PLEKHM1: variants seen among roughly 807,000 people sequenced by gnomAD.
PLEKHM1 encodes the protein pleckstrin homology domain-containing family M member 1.
PLEKHM1 carries 28 observed loss-of-function variants against 94.3 expected under a neutral mutation model. The observed-to-expected ratio is 0.30, with a 90% CI of 0.22 to 0.41. The LOEUF (loss-of-function observed/expected upper bound fraction) is 0.41. Among genes scored for constraint, PLEKHM1 ranks in the 10% least tolerant of loss-of-function variants. The pLI, the probability that PLEKHM1 is intolerant of heterozygous loss-of-function variation, is 1.00. For missense variants in PLEKHM1, 907 were observed against 1,358.6 expected (o/e 0.67, Z 5.22); for synonymous variants, 424 against 581.2 (o/e 0.73, Z 3.89).
At chr17:45,486,600 T>C (rs1203055479) in intron 1 of PLEKHM1, among the ~76,000 whole-genome samples, 2 of 151,400 alleles carry the variant, frequency 1.3e-5, no homozygotes, top group Non-Finnish European at 2.9e-5. Flanking sequence ...AATAATAAAC[T>C]GAAGCTAAGA....
At chr17:45,487,350 C>T (rs915423428) in intron 1 of PLEKHM1, among the ~76,000 whole-genome samples, 2 of 152,202 alleles carry the variant, frequency 1.3e-5, no homozygotes, top group Admixed American at 1.3e-4. Context: ...GGGTAAGGGA[C>T]AGAACTCTCT....
intron 8 of PLEKHM1, 117 bp downstream of exon 8, chr17:45,450,501 C>A: frequency 6.6e-7 from 1 of 1,511,944 alleles, no homozygotes; most frequent in Non-Finnish European, 9.0e-7. Flanking sequence ...GAACCAGTGA[C>A]CCTGGCTTCC....
intron 1 of PLEKHM1, among the ~76,000 whole-genome samples, chr17:45,483,087 T>C (rs2052005490): frequency 6.6e-6 from 1 of 151,732 alleles, no homozygotes; most frequent in Admixed American, 6.6e-5. Context: ...CTTGCTACAC[T>C]TCTGCTCCTC....
Position 45,453,319 on chromosome 17 carries a change from T to C in PLEKHM1, c.2497+36A>G. The C allele has an allele frequency of 1.3e-6, 2 of 1,599,756 alleles. No homozygotes were observed. Among genetic ancestry groups the C allele is most frequent in the Non-Finnish European group, 1.7e-6 (2 of 1,173,160 alleles). On this transcript the variant is annotated intron_variant, in intron 7 of 11. Transcript: ENST00000430334. This position sits in a 1 kb window ranked among gnomAD's most constrained non-coding sequence, Gnocchi z 4.1. ...GAACCAGCAGGAGGTGGAGTGAGGCTGGCAGGCTGGGGGTGGCAGCAGAGC... is the reference window on the plus strand; with the variant it reads ...GAACCAGCAGGAGGTGGAGTGAGGCCGGCAGGCTGGGGGTGGCAGCAGAGC...
At chr17:45,464,781 C>A (rs2051269197) in intron 5 of PLEKHM1, among the ~76,000 whole-genome samples, 1 of 152,240 alleles carries the variant, frequency 6.6e-6, no homozygotes, top group Non-Finnish European at 1.5e-5. Flanking sequence ...AACCTGACCA[C>A]CCTGTCCACT....
downstream of PLEKHM1, among the ~76,000 whole-genome samples, chr17:45,435,156 G>A (rs754163381): frequency 6.6e-6 from 1 of 152,094 alleles, no homozygotes; most frequent in African/African-American, 2.4e-5. Flanking sequence ...TGTCCTGGAG[G>A]GAGGTGAAGC....
intron 11 of PLEKHM1, among the ~76,000 whole-genome samples, chr17:45,438,180 C>T (rs1261816318): frequency 6.6e-6 from 1 of 152,238 alleles, no homozygotes; most frequent in African/African-American, 2.4e-5. Flanking sequence ...TATTCTCTGT[C>T]CTATTGCATT....
At chr17:45,441,674 A>G (rs748473993) in intron 9 of PLEKHM1, among the ~76,000 whole-genome samples, 1 of 152,146 alleles carries the variant, frequency 6.6e-6, no homozygotes, top group Non-Finnish European at 1.5e-5. Flanking sequence ...CGCAGTGCTC[A>G]GTCAAGGCCA....
At chr17:45,449,173 C>T (rs1007101394) in intron 8 of PLEKHM1, among the ~76,000 whole-genome samples, 4 of 151,242 alleles carry the variant, frequency 2.6e-5, no homozygotes, top group Non-Finnish European at 5.9e-5. Flanking sequence ...AGTGCAGTCA[C>T]CTGGGCCTCA....
chr17:45,451,280 G>T (rs1171506525), intron 7 of PLEKHM1, among the ~76,000 whole-genome samples: 1 of 152,238 alleles, frequency 6.6e-6, no homozygotes, highest in East Asian at 1.9e-4. Flanking sequence ...CAGCCAGCAG[G>T]GGGCAGGGGA....
rs2051378937 is a variant in PLEKHM1, at chr17:45,468,188, TGA to T, written c.1308+19_1308+20del. The T allele has an allele frequency of 6.2e-7, 1 of 1,612,658 alleles. No homozygotes were observed. The highest frequency in any genetic ancestry group is 1.3e-5 in the African/African-American group (1 of 74,860). ...GCTGACATTTCCCAAGACTGCCCCC[TGA>T]ACGGCTTGCACCACTCACCGGACTG... On this transcript the variant is annotated intron_variant, in intron 5 of 11. Coordinates refer to ENST00000430334, the MANE Select transcript of PLEKHM1 (RefSeq NM_014798.3).
intron 2 of PLEKHM1, among the ~76,000 whole-genome samples, chr17:45,479,166 G>A (rs961102061): frequency 6.6e-6 from 1 of 151,956 alleles, no homozygotes; most frequent in Non-Finnish European, 1.5e-5. Context: ...TTGAGGTTAG[G>A]AGTTTGAGAT....
At position 45,437,135 on chromosome 17, in the gene PLEKHM1, G is replaced by T; in HGVS notation, c.*723C>A. ...GGCCCCAGGCTAGAGAAGAGCTAGG[G>T]GCTCTGACGCTGAGAAAGCGGTGGG... On this transcript the variant is annotated 3_prime_UTR_variant, in exon 12 of 12. Transcript: ENST00000430334. This position sits in a 1 kb window ranked among gnomAD's most constrained non-coding sequence, Gnocchi z 4.0. 1 of 454,104 alleles carries T rather than the reference G, an allele frequency of 2.2e-6. No individual in the cohort carries two copies. 28.1% of individuals were successfully genotyped at this position (454,104 alleles called of 1,614,324 possible).
chr17:45,469,832 G>A (rs1383221944), intron 4 of PLEKHM1, among the ~76,000 whole-genome samples: 2 of 152,204 alleles, frequency 1.3e-5, no homozygotes, highest in Non-Finnish European at 2.9e-5. Context: ...CCAGCACTTT[G>A]GGAGGCTGAG....
At chr17:45,467,576 CATG>C (rs1395191594) in intron 5 of PLEKHM1, among the ~76,000 whole-genome samples, 1 of 152,142 alleles carries the variant, frequency 6.6e-6, no homozygotes, top group Non-Finnish European at 1.5e-5. Flanking sequence ...GCCTGGCCAA[CATG>C]ATGAAACCCC....
At chr17:45,440,341 C>G in intron 9 of PLEKHM1, 115 bp from the exon 10 acceptor site, 3 of 1,040,686 alleles carry the variant, frequency 2.9e-6, no homozygotes, top group Non-Finnish European at 4.5e-6. Flanking sequence ...CCCGCCTGGG[C>G]GGGGCAGGGG....
chr17:45,449,742 C>T (rs1225336832), intron 8 of PLEKHM1, among the ~76,000 whole-genome samples: 2 of 151,478 alleles, frequency 1.3e-5, no homozygotes, highest in African/African-American at 4.9e-5. Flanking sequence ...ACCCATCCAC[C>T]TACCTACCTG....
intron 5 of PLEKHM1, chr17:45,460,041 T>TA: frequency 6.6e-6 from 1 of 151,578 alleles, no homozygotes; most frequent in East Asian, 1.9e-4. Context: ...GGAGAAAAGA[T>TA]ACACAAAGAG....
At chr17:45,462,471 C>A (rs1427459114) in intron 5 of PLEKHM1, among the ~76,000 whole-genome samples, 4 of 152,006 alleles carry the variant, frequency 2.6e-5, no homozygotes, top group Non-Finnish European at 4.4e-5. Flanking sequence ...GGAGAGGGCA[C>A]TGTCCCTGAA....
Sources: gnomAD v4.1 joint callset for allele counts (sites outside exome capture counted in the v4.1 genomes callset) on GRCh38, gnomAD v4.1.1 for gene constraint, Gnocchi (gnomAD v3.1) non-coding constraint, MANE v1.5 for transcripts, NCBI Gene and HGNC (gene_info 2026-07-23, HGNC 2026-07-21) for gene names.